DOK5: variants seen among roughly 807,000 people sequenced by gnomAD.
DOK5 encodes docking protein 5.
In DOK5, 27 loss-of-function variants were observed where a neutral mutation model predicts 43.3. The observed-to-expected ratio is 0.62, with a 90% CI of 0.46 to 0.86. The LOEUF is 0.86. DOK5 is among the 40% of genes least tolerant of loss of function. The probability of loss-of-function intolerance (pLI) is 0.00; values close to 1 mark genes in which losing one functional copy is unlikely to be tolerated. For synonymous variants in DOK5, 146 were observed against 140.1 expected, an observed-to-expected ratio of 1.04 and a Z score of -0.30; for missense variants, 373 against 392.9, an observed-to-expected ratio of 0.95 and a Z score of 0.43.
At chr20:54,508,752 G>A (rs1324737430) in intron 1 of DOK5, among the ~76,000 whole-genome samples, 2 of 150,422 alleles carry the variant, frequency 1.3e-5, no homozygotes. Flanking sequence ...GGCTGATTTT[G>A]TATTTTTAGT....
intron 6 of DOK5, among the ~76,000 whole-genome samples, chr20:54,633,869 C>G (rs1468823692): frequency 6.6e-6 from 1 of 152,190 alleles, no homozygotes; most frequent in Non-Finnish European, 1.5e-5. Flanking sequence ...ATATGGTACT[C>G]ATGATTGACT....
intron 2 of DOK5, among the ~76,000 whole-genome samples, chr20:54,581,429 C>T (rs1985635630): frequency 6.7e-6 from 1 of 149,360 alleles, no homozygotes; most frequent in South Asian, 2.1e-4. Flanking sequence ...ATAGAGATTA[C>T]ATTGAATCTG....
chr20:54,632,694 C>G (rs1423760794), intron 6 of DOK5, among the ~76,000 whole-genome samples: 2 of 152,138 alleles, frequency 1.3e-5, no homozygotes, highest in African/African-American at 4.8e-5. Context: ...AATGATTGTT[C>G]TAAAGGTAAT....
rs1981844276 is a variant in DOK5 at position 54,484,381 on chromosome 20, A to G, written c.66+8369A>G. ...GGAAAAAGAGCAAGACTTCATCTCA[A>G]AAAAAAAAAAGTTAAGATCAATATT... On this transcript the variant is annotated intron_variant, in intron 1 of 7. Transcript: ENST00000262593. Among the ~76,000 whole-genome samples the G allele has an allele frequency of 2.0e-5, 3 of 150,176 alleles. No individual in the cohort carries two copies. The Middle Eastern group carries it at 0.01, about 518-fold the overall frequency.
Position 54,650,598 on chromosome 20 carries a change from T to C in DOK5, c.*119T>C. ...AAGAGAAGAAGCTTAAAGTCCTGGCTAATTGTGTGGTCATTGGAAAACTCT... is the reference window on the plus strand; with the variant it reads ...AAGAGAAGAAGCTTAAAGTCCTGGCCAATTGTGTGGTCATTGGAAAACTCT... On this transcript the variant is annotated 3_prime_UTR_variant, in exon 8 of 8. Coordinates refer to ENST00000262593, the MANE Select transcript of DOK5 (RefSeq NM_018431.5). 1.1e-6 allele frequency: 1 copy of C among 877,376 alleles called. No individual in the cohort carries two copies. The highest frequency in any genetic ancestry group is 1.6e-5 in the South Asian group (1 of 61,790). The allele number at this position is 877,376 out of a possible 1,614,324, so 54.3% of individuals were successfully genotyped here.
intron 1 of DOK5, among the ~76,000 whole-genome samples, chr20:54,491,795 A>G (rs1329619666): frequency 6.6e-6 from 1 of 152,070 alleles, no homozygotes; most frequent in East Asian, 1.9e-4. Flanking sequence ...AAAACTTGGG[A>G]TTTTTCTCCA....
chr20:54,524,846 T>G (rs187923418), intron 1 of DOK5, among the ~76,000 whole-genome samples: 1 of 152,342 alleles, frequency 6.6e-6, no homozygotes, highest in African/African-American at 2.4e-5. Context: ...TGCCAGTCTT[T>G]CTTTAATTAA....
chr20:54,609,105 GC>G (rs963016035), intron 5 of DOK5, among the ~76,000 whole-genome samples: 3 of 152,148 alleles, frequency 2.0e-5, no homozygotes, highest in African/African-American at 7.2e-5. Context: ...GTGGTACTGG[GC>G]CAACTGCGAA....
chr20:54,513,729 T>A (rs961223845), intron 1 of DOK5, among the ~76,000 whole-genome samples: 1 of 152,192 alleles, frequency 6.6e-6, no homozygotes, highest in Non-Finnish European at 1.5e-5. Context: ...AGACAGCTGA[T>A]GTTGACTATC....
At chr20:54,572,348 G>A (rs535407690) in intron 2 of DOK5, among the ~76,000 whole-genome samples, 1 of 152,114 alleles carries the variant, frequency 6.6e-6, no homozygotes, top group South Asian at 2.1e-4. Flanking sequence ...TTCTTTAGTA[G>A]AGACAGGGTT....
intron 2 of DOK5, among the ~76,000 whole-genome samples, chr20:54,558,382 A>T (rs1259728646): frequency 6.6e-6 from 1 of 152,196 alleles, no homozygotes; most frequent in African/African-American, 2.4e-5. Context: ...CACCTATAAT[A>T]ATCATTAACC....
At chr20:54,550,180 CAAAAA>C (rs11483522) in intron 1 of DOK5, among the ~76,000 whole-genome samples, 1 of 87,422 alleles carries the variant, frequency 1.1e-5, no homozygotes, top group Non-Finnish European at 2.7e-5. Flanking sequence ...GATTGGATGG[CAAAAA>C]AAAAAAAAAA....
intron 2 of DOK5, among the ~76,000 whole-genome samples, chr20:54,570,319 T>G (rs1460593938): frequency 1.3e-5 from 2 of 152,228 alleles, no homozygotes; most frequent in Admixed American, 6.5e-5. Flanking sequence ...TTCATGTTAG[T>G]TTTATTTTTG....
chr20:54,649,472 G>A (rs749999005), intron 7 of DOK5, among the ~76,000 whole-genome samples: 2 of 152,280 alleles, frequency 1.3e-5, no homozygotes, highest in South Asian at 4.2e-4. Flanking sequence ...TGGGTGGGGC[G>A]GACATGCTCC....
intron 2 of DOK5, among the ~76,000 whole-genome samples, chr20:54,569,237 T>C (rs1248593378): frequency 3.9e-5 from 6 of 152,194 alleles, no homozygotes; most frequent in African/African-American, 1.4e-4. Flanking sequence ...GGTTCTTGCG[T>C]AAATTATAGT....
chr20:54,528,539 G>A (rs928966475), intron 1 of DOK5, among the ~76,000 whole-genome samples: 7 of 152,000 alleles, frequency 4.6e-5, no homozygotes, highest in African/African-American at 1.4e-4. Context: ...TGGAAGAAGA[G>A]TAAACTAATT....
intron 1 of DOK5, among the ~76,000 whole-genome samples, chr20:54,531,713 G>T (rs1440776114): frequency 6.6e-6 from 1 of 152,160 alleles, no homozygotes; most frequent in Non-Finnish European, 1.5e-5. Context: ...AAAGCGCAAA[G>T]AAAGATTTAT....
At chr20:54,635,578 C>A (rs1978785986) in intron 6 of DOK5, among the ~76,000 whole-genome samples, 1 of 152,154 alleles carries the variant, frequency 6.6e-6, no homozygotes, top group South Asian at 2.1e-4. Flanking sequence ...GACCTGGAAG[C>A]CCCCATTTGG....
chr20:54,508,056 G>A (rs6023323), intron 1 of DOK5, among the ~76,000 whole-genome samples: 33,315 of 152,066 alleles, frequency 0.22, 6,910 homozygotes, highest in African/African-American at 0.55. Flanking sequence ...TTAGAAGCTC[G>A]AAGATGGCTT....
Sources: allele counts gnomAD v4.1 joint callset (sites outside exome capture counted in the v4.1 genomes callset), GRCh38; gene constraint gnomAD v4.1.1; transcripts MANE v1.5; gene names NCBI Gene and HGNC (gene_info 2026-07-23, HGNC 2026-07-21).